The following RNF111 variants were observed in gnomAD, a reference collection of about 807,000 sequenced individuals.
The protein encoded by RNF111 is ring finger protein 111.
A neutral mutation model predicts 95.1 loss-of-function variants in RNF111; 17 were observed. The observed-to-expected ratio is 0.18, with a 90% CI of 0.12 to 0.27. RNF111 has a LOEUF of 0.27. RNF111 is among the 10% of genes least tolerant of loss of function. The pLI is 1.00. For missense variants in RNF111, 1,189 were observed against 1,210.4 expected, an observed-to-expected ratio of 0.98 and a Z score of 0.26; for synonymous variants, 440 against 414.8, an observed-to-expected ratio of 1.06 and a Z score of -0.74.
intron 1 of RNF111, among the ~76,000 whole-genome samples, chr15:59,025,838 C>G (rs1342849127): frequency 6.6e-6 from 1 of 151,956 alleles, no homozygotes; most frequent in African/African-American, 2.4e-5. Flanking sequence ...TCAAGCGATT[C>G]TCCTGCCTCA....
At chr15:59,000,167 T>A (rs2039260685) in intron 1 of RNF111, among the ~76,000 whole-genome samples, 1 of 65,858 alleles carries the variant, frequency 1.5e-5, no homozygotes, top group East Asian at 5.9e-4. Flanking sequence ...TTTTCCCTTT[T>A]TTTTTTTTTT....
At chr15:59,030,766 C>A (rs1262266322) in intron 1 of RNF111, 38 bp from the exon 2 acceptor site, 4 of 1,379,792 alleles carry the variant, frequency 2.9e-6, no homozygotes, top group Non-Finnish European at 3.9e-6. Flanking sequence ...TAATAAAACA[C>A]ATTAAAAATC....
At chr15:59,046,892 G>C (rs1197643007) in intron 2 of RNF111, among the ~76,000 whole-genome samples, 1 of 152,104 alleles carries the variant, frequency 6.6e-6, no homozygotes, top group Admixed American at 6.5e-5. Flanking sequence ...TTGAGACACA[G>C]GGTCTCACTC....
chr15:59,062,866 G>A (rs1227212064), intron 5 of RNF111, among the ~76,000 whole-genome samples: 2 of 152,166 alleles, frequency 1.3e-5, no homozygotes, highest in Non-Finnish European at 2.9e-5. Context: ...TTCTTACAGT[G>A]GGAGGTGGGG....
chr15:59,031,194 A>G lies in RNF111; in HGVS notation c.372A>G (p.Thr124=), dbSNP rs770222233. ...GILGLRQHLG[T]PSDEDNDSSF... ...TAGGACTGAGGCAACACCTAGGGAC[A>G]CCAAGTGATGAAGATAATGATTCCT... is the stretch of plus-strand genomic sequence containing the variant. Residue 124 remains threonine (T), a synonymous_variant, in exon 2 of 14, where the codon ACA becomes ACG. Transcript: ENST00000348370. The G allele has an allele frequency of 1.5e-5, 25 of 1,614,138 alleles. No homozygotes were observed. The highest frequency in any genetic ancestry group is 2.0e-5 in the Non-Finnish European group (24 of 1,180,038).
chr15:59,093,287 A>G (rs1169104432), intron 13 of RNF111: 15 of 366,566 alleles, frequency 4.1e-5, no homozygotes, highest in African/African-American at 2.6e-4. Flanking sequence ...GTGTTCTTCA[A>G]AACTTAAACA....
intron 1 of RNF111, among the ~76,000 whole-genome samples, chr15:59,007,894 G>A (rs1372057251): frequency 6.6e-6 from 1 of 152,086 alleles, no homozygotes; most frequent in Non-Finnish European, 1.5e-5. Flanking sequence ...ACGTATATGT[G>A]TTTGTATACA....
rs2042386455 is a variant in RNF111 at position 59,060,463 on chromosome 15, C to CA, written c.1366+1920dup. Reference sequence around the variant, plus strand: ...TTTTGAAGAAAAAAACAAAACAAAACAAAAAAACAGAAACTTGCAGAAATT... The same window carrying CA: ...TTTTGAAGAAAAAAACAAAACAAAACAAAAAAAACAGAAACTTGCAGAAATT... On this transcript the variant is annotated intron_variant, in intron 5 of 13. Coordinates refer to ENST00000348370, the MANE Select transcript of RNF111 (RefSeq NM_017610.8). Among the ~76,000 whole-genome samples the CA allele has an allele frequency of 3.3e-5, 5 of 151,894 alleles. No individual in the cohort carries two copies. The South Asian group carries it at 1.0e-3, about 32-fold the overall frequency.
chr15:59,092,426 G>A (rs2079078634), intron 12 of RNF111, 111 bp from the exon 13 acceptor site: 1 of 1,179,712 alleles, frequency 8.5e-7, no homozygotes, highest in South Asian at 2.2e-5. Context: ...AAAAAGTGCG[G>A]GTGAATATGT....
intron 2 of RNF111, among the ~76,000 whole-genome samples, chr15:59,041,565 G>GA (rs371340946): frequency 4.7e-5 from 7 of 148,236 alleles, no homozygotes; most frequent in African/African-American, 9.9e-5. Context: ...TGTCTCAAAA[G>GA]AAAAAAAAAA....
At chr15:59,024,376 G>A (rs1303243464) in intron 1 of RNF111, among the ~76,000 whole-genome samples, 1 of 152,180 alleles carries the variant, frequency 6.6e-6, no homozygotes, top group Non-Finnish European at 1.5e-5. Context: ...CATTGCTAGA[G>A]ATCTGCCTAG....
chr15:59,046,313 C>T (rs752009430), intron 2 of RNF111, among the ~76,000 whole-genome samples: 5 of 144,932 alleles, frequency 3.4e-5, no homozygotes, highest in Non-Finnish European at 7.4e-5. Flanking sequence ...CCCACGTCAG[C>T]CTCCTGGGTA....
chr15:59,017,999 C>T (rs1411029846), intron 1 of RNF111, among the ~76,000 whole-genome samples: 1 of 151,876 alleles, frequency 6.6e-6, no homozygotes, highest in East Asian at 1.9e-4. Flanking sequence ...CCTCAGGTGA[C>T]CCACCTGCCT....
chr15:59,082,469 A>T (rs2078773429), intron 8 of RNF111, among the ~76,000 whole-genome samples: 1 of 152,228 alleles, frequency 6.6e-6, no homozygotes, highest in Non-Finnish European at 1.5e-5. Context: ...AAAATATTGT[A>T]CTTCAAGTTT....
chr15:59,058,887 C>T (rs1392009097), intron 5 of RNF111, among the ~76,000 whole-genome samples: 2 of 152,130 alleles, frequency 1.3e-5, no homozygotes, highest in African/African-American at 2.4e-5. Flanking sequence ...ATTATCAAGA[C>T]AGTGAAAGAC....
chr15:59,060,886 C>T (rs1301479354), intron 5 of RNF111, among the ~76,000 whole-genome samples: 2 of 151,594 alleles, frequency 1.3e-5, no homozygotes, highest in East Asian at 3.9e-4. Flanking sequence ...ACTGCAATCT[C>T]CACCTCCCAG....
chr15:59,057,375 A>G (rs1596228286), intron 4 of RNF111, among the ~76,000 whole-genome samples: 1 of 152,318 alleles, frequency 6.6e-6, no homozygotes, highest in East Asian at 1.9e-4. Flanking sequence ...ACTAGCATTC[A>G]AAGTGTCCCA....
At chr15:59,034,855 G>C (rs2041094468) in intron 2 of RNF111, among the ~76,000 whole-genome samples, 3 of 152,180 alleles carry the variant, frequency 2.0e-5, no homozygotes, top group Admixed American at 2.0e-4. Flanking sequence ...GATTTGTATG[G>C]ATGAATGGAT....
In RNF111 at chr15:59,010,017, T is replaced by G. The variant is rs867813551; in HGVS notation, c.-19-20787T>G. On this transcript the variant is annotated intron_variant, in intron 1 of 13. Transcript: ENST00000348370. ...TTGTAAGTTAATTATTTTCAGGTTC[T>G]GATTTTGTCATTCAGTTTATATGCA... Among the ~76,000 whole-genome samples, 13 of 152,326 alleles carry G rather than the reference T, an allele frequency of 8.5e-5. No homozygotes were observed. In the South Asian group the frequency reaches 1.9e-3, roughly 22 times the overall value.
Sources: allele counts gnomAD v4.1 joint callset (sites outside exome capture counted in the v4.1 genomes callset), GRCh38; gene constraint gnomAD v4.1.1; transcripts MANE v1.5; gene names NCBI Gene and HGNC (gene_info 2026-07-23, HGNC 2026-07-21).